KAZN: variants seen among roughly 807,000 people sequenced by gnomAD.
KAZN encodes kazrin.
Under a neutral mutation model 87.4 loss-of-function variants are expected in KAZN, and 40 were observed. The ratio of observed to expected loss-of-function variants is 0.46; its 90% CI spans 0.36 to 0.60. The LOEUF is 0.60. KAZN is among the 20% of genes least tolerant of loss of function. The pLI, the probability that KAZN is intolerant of heterozygous loss-of-function variation, is 0.00. For synonymous variants in KAZN, 466 were observed against 458.3 expected (o/e 1.02, Z -0.22); for missense variants, 898 against 1,073.9 (o/e 0.84, Z 2.29).
chr1:14,960,340 C>T (rs1449468928), intron 1 of KAZN, among the ~76,000 whole-genome samples: 3 of 152,198 alleles, frequency 2.0e-5, no homozygotes, highest in Non-Finnish European at 4.4e-5. Flanking sequence ...TGAGATAATG[C>T]ATATGAAACT....
intron 2 of KAZN, among the ~76,000 whole-genome samples, chr1:14,244,126 C>A (rs1352928546): frequency 6.6e-6 from 1 of 152,086 alleles, no homozygotes; most frequent in Non-Finnish European, 1.5e-5. Context: ...AACAAACAAA[C>A]AAAAAACTCT....
Position 15,056,334 on chromosome 1 carries a change from G to A in KAZN, c.916+54G>A, listed in dbSNP as rs907998756. The A allele has an allele frequency of 5.3e-6, 8 of 1,520,764 alleles. No individual in the cohort carries two copies. In the African/African-American group the frequency reaches 6.9e-5, roughly 13 times the overall value. The allele number at this position is 1,520,764 out of a possible 1,614,324, so 94.2% of individuals were successfully genotyped here. The stretch of plus-strand genomic sequence containing the variant: ...ACGGCTTCGAGGGGCTTCACAGGAG[G>A]CCATCTGACCCAGTGGGAGAGGCAG... On this transcript the variant is annotated intron_variant, in intron 5 of 14. Coordinates refer to ENST00000376030, the MANE Select transcript of KAZN (RefSeq NM_201628.3). The surrounding 1 kb of genome is among the most constrained non-coding windows in gnomAD (Gnocchi z 5.4).
chr1:14,740,528 C>T (rs1012348173), intron 1 of KAZN, among the ~76,000 whole-genome samples: 1 of 152,128 alleles, frequency 6.6e-6, no homozygotes, highest in Non-Finnish European at 1.5e-5. Flanking sequence ...CCAATTCCAT[C>T]CTATCCTCTG....
At chr1:14,271,641 C>G (rs535741773) in intron 2 of KAZN, among the ~76,000 whole-genome samples, 1 of 152,308 alleles carries the variant, frequency 6.6e-6, no homozygotes, top group South Asian at 2.1e-4. Context: ...TACACATGGT[C>G]CAACAAAGCA....
chr1:14,589,789 C>T (rs547273243), intron 2 of KAZN, among the ~76,000 whole-genome samples: 1 of 152,132 alleles, frequency 6.6e-6, no homozygotes, highest in East Asian at 1.9e-4. Flanking sequence ...TGGGGGCTCA[C>T]GCTGTTCTTT....
intron 1 of KAZN, among the ~76,000 whole-genome samples, chr1:14,158,419 A>T (rs1296832649): frequency 6.6e-6 from 1 of 152,034 alleles, no homozygotes; most frequent in Non-Finnish European, 1.5e-5. Context: ...CAGTATGCCA[A>T]TTGCATTATT....
chr1:14,124,302 C>T (rs1644815416), intron 1 of KAZN: 1 of 152,164 alleles, frequency 6.6e-6, no homozygotes, highest in African/African-American at 2.4e-5. Context: ...TTCTCTGTAC[C>T]ATTCTCATTT....
rs184046988 is a variant in KAZN, at chr1:14,567,775, G to T, written c.250-31208G>T. 1.1e-4 allele frequency among the ~76,000 whole-genome samples: 16 copies of T among 151,998 alleles called. No individual in the cohort carries two copies. In the East Asian group the frequency reaches 1.7e-3, roughly 17 times the overall value. On this transcript the variant is annotated intron_variant, in intron 2 of 16. Coordinates refer to the KAZN transcript ENST00000636203. ...AGTCTATTAAAACTCATTCCCTCTG[G>T]GTAGACTTCCTAGATGTCACCTCAT...
intron 1 of KAZN, among the ~76,000 whole-genome samples, chr1:13,946,739 G>T (rs891805440): frequency 4.6e-5 from 7 of 152,156 alleles, no homozygotes; most frequent in Admixed American, 3.9e-4. Context: ...GAGGTCACCT[G>T]ACACTGTCTT....
At chr1:14,407,837 G>GT (rs1277308591) in intron 2 of KAZN, among the ~76,000 whole-genome samples, 1 of 152,128 alleles carries the variant, frequency 6.6e-6, no homozygotes, top group African/African-American at 2.4e-5. Context: ...GAGTGGTTTA[G>GT]TTTTTCTACT....
chr1:13,953,104 GC>G (rs1477059816), intron 1 of KAZN, among the ~76,000 whole-genome samples: 3 of 152,066 alleles, frequency 2.0e-5, no homozygotes, highest in Non-Finnish European at 4.4e-5. Flanking sequence ...CTACAGAACG[GC>G]CCCCGAATTC....
chr1:15,034,460 A>C, intron 2 of KAZN, among the ~76,000 whole-genome samples: 1 of 151,942 alleles, frequency 6.6e-6, no homozygotes, highest in East Asian at 1.9e-4. Flanking sequence ...TCGTCATTGA[A>C]CACTCAGCCA....
At chr1:13,933,927 G>A (rs1640624355) in intron 1 of KAZN, among the ~76,000 whole-genome samples, 1 of 152,142 alleles carries the variant, frequency 6.6e-6, no homozygotes, top group African/African-American at 2.4e-5. Flanking sequence ...ATGAATGGAT[G>A]GATGAATTCT....
intron 1 of KAZN, among the ~76,000 whole-genome samples, chr1:14,144,772 G>C (rs1489654061): frequency 6.6e-6 from 1 of 152,202 alleles, no homozygotes; most frequent in Non-Finnish European, 1.5e-5. Context: ...CCAGTGCAGA[G>C]ATCACATGGC....
At chr1:14,709,426 A>T (rs1400924235) in intron 1 of KAZN, among the ~76,000 whole-genome samples, 1 of 152,196 alleles carries the variant, frequency 6.6e-6, no homozygotes, top group Non-Finnish European at 1.5e-5. Context: ...GAAAAACTTA[A>T]GACTGAAAAT....
At chr1:14,977,857 C>G (rs1665807529) in intron 2 of KAZN, among the ~76,000 whole-genome samples, 1 of 150,482 alleles carries the variant, frequency 6.6e-6, no homozygotes, top group Admixed American at 6.6e-5. Flanking sequence ...GTCTCTTAAG[C>G]CTTGCACCTG....
chr1:14,040,358 G>C lies in KAZN; in HGVS notation c.92-140077G>C, dbSNP rs76565169. 6.6e-3 allele frequency among the ~76,000 whole-genome samples: 1,001 copies of C among 152,246 alleles called. 12 individuals carry two copies. Among genetic ancestry groups the C allele is most frequent in the African/African-American group, 0.023 (938 of 41,508 alleles). ...CAGTATGGGAGCCTTCAGATCTCCC[G>C]TGTATGTGGCCAGGAGTGCTGTGGG... On this transcript the variant is annotated intron_variant, in intron 1 of 16. Transcript: ENST00000636203.
At chr1:14,532,494 G>A (rs922124113) in intron 2 of KAZN, among the ~76,000 whole-genome samples, 9 of 150,960 alleles carry the variant, frequency 6.0e-5, no homozygotes, top group African/African-American at 2.2e-4. Flanking sequence ...TATACTTTAA[G>A]TTTTAGGGTA....
intron 1 of KAZN, chr1:14,692,333 C>A: frequency 2.3e-6 from 1 of 435,542 alleles, no homozygotes; most frequent in East Asian, 3.6e-5. Flanking sequence ...CTTCGGCTCT[C>A]ATTTTTTCGA....
Sources: allele counts gnomAD v4.1 joint callset (sites outside exome capture counted in the v4.1 genomes callset), GRCh38; gene constraint gnomAD v4.1.1; non-coding constraint Gnocchi (gnomAD v3.1); transcripts MANE v1.5; gene names NCBI Gene and HGNC (gene_info 2026-07-23, HGNC 2026-07-21).